The following MTAP variants were observed in gnomAD, a reference collection of about 807,000 sequenced individuals.
The protein encoded by MTAP is methylthioadenosine phosphorylase.
A neutral mutation model predicts 33.6 loss-of-function variants in MTAP; 33 were observed. The observed-to-expected ratio is 0.98, with a 90% CI of 0.74 to 1.31. The LOEUF (loss-of-function observed/expected upper bound fraction) is 1.31, where lower values mean the gene tolerates loss of function less well. Among genes scored for constraint, MTAP ranks in the 40% most tolerant of loss-of-function variants. MTAP has a pLI of 0.00. For synonymous variants in MTAP, 148 were observed against 125.7 expected (o/e 1.18, Z -1.19); for missense variants, 367 against 360.0 (o/e 1.02, Z -0.16).
Position 21,815,462 on chromosome 9 carries a change from T to A in MTAP, c.63T>A (p.Asp21Glu), listed in dbSNP as rs372187739. The A allele has an allele frequency of 1.2e-6, 2 of 1,611,538 alleles. No individual in the cohort carries two copies. The highest frequency in any genetic ancestry group is 1.7e-6 in the Non-Finnish European group (2 of 1,178,590). ...KIGIIGGTGL[D>E]DPEILEGRTE... ...GAATAATTGGTGGAACAGGCCTGGA[T>A]GATCCAGAAATTTTAGAAGGAAGAA... Residue 21 changes from aspartate (D) to glutamate (E), a missense_variant, in exon 2 of 8, where the codon GAT becomes GAA. Physicochemically the swap from Asp to Glu is conservative, Grantham distance 45. Transcript: ENST00000644715.
intron 4 of MTAP, among the ~76,000 whole-genome samples, chr9:21,831,337 A>AT (rs1218195808): frequency 6.6e-6 from 1 of 151,944 alleles, no homozygotes; most frequent in Non-Finnish European, 1.5e-5. Flanking sequence ...CCCACATTGT[A>AT]TTTTTTTGTT....
Position 21,862,913 on chromosome 9 carries a change from A to G in MTAP, c.*899A>G, listed in dbSNP as rs1325044737. On this transcript the variant is annotated 3_prime_UTR_variant, in exon 8 of 8. Transcript: ENST00000644715. ...TACAGTGAATTTAATCAAATAGTAA[A>G]GTTGTTGTAAAAATAAAAGTGGATT... is the stretch of plus-strand genomic sequence containing the variant. 1.0e-6 allele frequency: 1 copy of G among 964,540 alleles called. No individual in the cohort carries two copies. Among genetic ancestry groups the G allele is most frequent in the African/African-American group, 1.8e-5 (1 of 56,636 alleles). The allele number at this position is 964,540 out of a possible 1,614,324, so 59.7% of individuals were successfully genotyped here. A position where few individuals can be genotyped will look rare whatever the true frequency, so the allele number is the denominator to read the frequency against.
intron 1 of MTAP, among the ~76,000 whole-genome samples, chr9:21,806,612 C>T (rs1563827546): frequency 1.3e-5 from 2 of 151,882 alleles, no homozygotes; most frequent in Non-Finnish European, 2.9e-5. Context: ...AGAGATGGTC[C>T]AGGCAGGGAG....
At chr9:21,844,155 T>C (rs1173015182) in intron 5 of MTAP, among the ~76,000 whole-genome samples, 1 of 152,060 alleles carries the variant, frequency 6.6e-6, no homozygotes, top group Non-Finnish European at 1.5e-5. Context: ...CTTGGAAATA[T>C]ACCACCCTCC....
At chr9:21,856,010 AT>A (rs1365828898) in intron 6 of MTAP, 2 of 210,948 alleles carry the variant, frequency 9.5e-6, no homozygotes, top group African/African-American at 4.7e-5. Flanking sequence ...TCAAATCAGA[AT>A]CCCTTACAAT....
At chr9:21,827,284 C>G (rs550397734) in intron 4 of MTAP, among the ~76,000 whole-genome samples, 110 of 152,336 alleles carry the variant, frequency 7.2e-4, no homozygotes, top group African/African-American at 2.2e-3. Context: ...GTCCATGCTG[C>G]TCCTCCCATC....
downstream of MTAP, among the ~76,000 whole-genome samples, chr9:21,871,465 T>G (rs77254227): frequency 6.0e-4 from 92 of 152,336 alleles, 1 homozygote; most frequent in East Asian, 0.017. Flanking sequence ...CCCTATTCTG[T>G]TACATTACTA....
At chr9:21,905,805 C>A (rs1818467573) in intron 1 of MTAP, among the ~76,000 whole-genome samples, 1 of 152,188 alleles carries the variant, frequency 6.6e-6, no homozygotes, top group Non-Finnish European at 1.5e-5. Flanking sequence ...GAAATCCCTA[C>A]ACAGAACCAG....
At chr9:21,803,495 G>C (rs1824123024) in intron 1 of MTAP, 2 of 151,912 alleles carry the variant, frequency 1.3e-5, no homozygotes, top group Non-Finnish European at 2.9e-5. Flanking sequence ...GCAAGTTAGA[G>C]TTCAATTTCC....
At chr9:21,930,684 G>A in intron 1 of MTAP, 1 of 557,140 alleles carries the variant, frequency 1.8e-6, no homozygotes, top group South Asian at 2.2e-5. Context: ...CACTTTAGCA[G>A]TTGTAGTCCT....
chr9:21,854,966 GT>G, intron 6 of MTAP, 96 bp downstream of exon 6: 1 of 1,487,842 alleles, frequency 6.7e-7, no homozygotes, highest in Non-Finnish European at 9.0e-7. Flanking sequence ...GTTTCAGAAA[GT>G]GCCTTTCTAC....
At position 21,887,561 on chromosome 9, in the gene MTAP, G is replaced by T. The variant is rs564699165; in HGVS notation, c.147+32691G>T. 2.6e-5 allele frequency among the ~76,000 whole-genome samples: 4 copies of T among 152,184 alleles called. No homozygotes were observed. In the East Asian group the frequency reaches 5.8e-4, roughly 22 times the overall value. On this transcript the variant is annotated intron_variant, in intron 1 of 1. Coordinates refer to the MTAP transcript ENST00000577563. ...AGTCTTTGCTATTGTGAATAGTGCC[G>T]CAGTAAACATACATGTGCATGTGTC...
At chr9:21,805,090 G>T (rs1466129258) in intron 1 of MTAP, among the ~76,000 whole-genome samples, 1 of 152,232 alleles carries the variant, frequency 6.6e-6, no homozygotes, top group African/African-American at 2.4e-5. Context: ...GGTGTCACTG[G>T]CAGGTCCTTT....
chr9:21,863,069 T>C lies in MTAP; in HGVS notation c.*1055T>C. On this transcript the variant is annotated 3_prime_UTR_variant, in exon 8 of 8. Transcript: ENST00000644715. ...TAAAGAAGAGGATCATTGATTTCTG[T>C]ACAGTCAGAACAGTACTTGGGTTTG... 1 of 985,440 alleles carries C rather than the reference T, an allele frequency of 1.0e-6. No homozygotes were observed. Among genetic ancestry groups the C allele is most frequent in the Non-Finnish European group, 1.2e-6 (1 of 829,900 alleles). 61.0% of individuals were successfully genotyped at this position (985,440 alleles called of 1,614,324 possible). A position where few individuals can be genotyped will look rare whatever the true frequency, so the allele number is the denominator to read the frequency against.
chr9:21,810,307 C>T (rs7855729), intron 1 of MTAP, among the ~76,000 whole-genome samples: 5,074 of 152,226 alleles, frequency 0.033, 281 homozygotes, highest in African/African-American at 0.12. Context: ...GTAAGGACAA[C>T]AGTTTTCTTA....
chr9:21,938,511 A>T (rs1359025330), downstream of MTAP, among the ~76,000 whole-genome samples: 1 of 152,168 alleles, frequency 6.6e-6, no homozygotes, highest in Non-Finnish European at 1.5e-5. Flanking sequence ...GTTGTCAAAT[A>T]AGGGTGATGT....
intron 1 of MTAP, among the ~76,000 whole-genome samples, chr9:21,812,789 A>G (rs1440926382): frequency 6.6e-6 from 1 of 152,224 alleles, no homozygotes; most frequent in Non-Finnish European, 1.5e-5. Context: ...GTATAATGTT[A>G]TGGAGGACTC....
intron 1 of MTAP, among the ~76,000 whole-genome samples, chr9:21,911,245 C>A (rs1441146452): frequency 2.0e-5 from 3 of 152,206 alleles, no homozygotes; most frequent in African/African-American, 7.2e-5. Flanking sequence ...ACAAGGATAT[C>A]CAGGAATTGA....
intron 1 of MTAP, among the ~76,000 whole-genome samples, chr9:21,916,605 C>G (rs1268888797): frequency 2.0e-5 from 3 of 151,524 alleles, no homozygotes; most frequent in African/African-American, 4.9e-5. Context: ...GAGAATCCAT[C>G]TCAAAAAAAG....
Sources: allele counts gnomAD v4.1 joint callset (sites outside exome capture counted in the v4.1 genomes callset), GRCh38; gene constraint gnomAD v4.1.1; transcripts MANE v1.5; gene names NCBI Gene and HGNC (gene_info 2026-07-23, HGNC 2026-07-21).